GPC5: variants seen among roughly 807,000 people sequenced by gnomAD.
GPC5 encodes the protein glypican-5.
Under a neutral mutation model 53.9 loss-of-function variants are expected in GPC5, and 47 were observed. The observed-to-expected ratio is 0.87, with a 90% CI of 0.69 to 1.11. The LOEUF is 1.11. GPC5 is among the 50% of genes most tolerant of loss of function. GPC5 has a pLI of 0.00. For missense variants in GPC5, 748 were observed against 713.1 expected, an observed-to-expected ratio of 1.05 and a Z score of -0.56; for synonymous variants, 286 against 263.3, an observed-to-expected ratio of 1.09 and a Z score of -0.84.
chr13:91,577,596 A>G (rs2032185830), intron 2 of GPC5, among the ~76,000 whole-genome samples: 2 of 152,198 alleles, frequency 1.3e-5, no homozygotes, highest in Non-Finnish European at 2.9e-5. Context: ...AATGTGCCAG[A>G]ACATTCACAT....
At chr13:91,951,299 T>A (rs1008717918) in intron 6 of GPC5, among the ~76,000 whole-genome samples, 1 of 152,114 alleles carries the variant, frequency 6.6e-6, no homozygotes, top group Non-Finnish European at 1.5e-5. Context: ...TACATAAAAT[T>A]CGAGAATTAC....
intron 7 of GPC5, among the ~76,000 whole-genome samples, chr13:92,174,374 A>G (rs550279748): frequency 0.023 from 3,463 of 151,282 alleles, 48 homozygotes; most frequent in Admixed American, 0.029. Context: ...ACAAAAAAAA[A>G]AACAAAAAAA....
At chr13:91,419,533 A>C (rs1594063417) in intron 1 of GPC5, among the ~76,000 whole-genome samples, 1 of 152,154 alleles carries the variant, frequency 6.6e-6, no homozygotes, top group African/African-American at 2.4e-5. Flanking sequence ...GGAACAAGAA[A>C]ATTTTCATGG....
chr13:92,131,499 A>G (rs905442512), intron 6 of GPC5, among the ~76,000 whole-genome samples: 6 of 152,052 alleles, frequency 3.9e-5, no homozygotes, highest in African/African-American at 1.4e-4. Context: ...TTAAAATTAT[A>G]AAGTATGAAC....
chr13:92,706,650 A>T (rs903514069), intron 7 of GPC5, among the ~76,000 whole-genome samples: 1 of 152,110 alleles, frequency 6.6e-6, no homozygotes, highest in Non-Finnish European at 1.5e-5. Context: ...AATGTCCTCT[A>T]CTTCCAGGAT....
intron 2 of GPC5, among the ~76,000 whole-genome samples, chr13:91,623,013 T>A (rs1039966244): frequency 1.1e-4 from 16 of 151,964 alleles, no homozygotes; most frequent in Non-Finnish European, 5.9e-5. Context: ...TTATAATGGA[T>A]CAGAGGCCTC....
intron 7 of GPC5, among the ~76,000 whole-genome samples, chr13:92,538,443 TTTTCTTTCTTTC>T (rs1216580335): frequency 6.6e-6 from 1 of 151,322 alleles, no homozygotes; most frequent in East Asian, 2.0e-4. Context: ...CCCATTTCTT[TTTTCTTTCTTTC>T]TTTCTTTCTT....
chr13:92,484,290 T>C (rs1170778326), intron 7 of GPC5, among the ~76,000 whole-genome samples: 2 of 152,218 alleles, frequency 1.3e-5, no homozygotes, highest in Non-Finnish European at 2.9e-5. Flanking sequence ...ACTCTTGGAA[T>C]AACTTCTGAA....
intron 2 of GPC5, among the ~76,000 whole-genome samples, chr13:91,644,302 T>C (rs1056004539): frequency 6.6e-6 from 1 of 152,088 alleles, no homozygotes. Context: ...ACAGAGAATA[T>C]CCAACGTCGC....
chr13:91,730,064 T>G (rs895790542), intron 4 of GPC5, among the ~76,000 whole-genome samples: 1 of 152,214 alleles, frequency 6.6e-6, no homozygotes, highest in Non-Finnish European at 1.5e-5. Context: ...GTTTAGCCAT[T>G]GTCCATGAAT....
At chr13:91,693,925 AAAT>A in intron 3 of GPC5, 44 bp downstream of exon 3, 3 of 1,402,384 alleles carry the variant, frequency 2.1e-6, no homozygotes, top group Non-Finnish European at 2.9e-6. Flanking sequence ...CTTGTAATTC[AAAT>A]ATTAGCCATG....
At position 92,393,414 on chromosome 13, in the gene GPC5, A is replaced by C. The variant is rs1301192856; in HGVS notation, c.1561+248425A>C. Among the ~76,000 whole-genome samples, 3 of 152,202 alleles carry C rather than the reference A, an allele frequency of 2.0e-5. No individual in the cohort carries two copies. In the East Asian group the frequency reaches 5.8e-4, roughly 29 times the overall value. ...CCTGTAATTCCAGCACTTTGGGAGG[A>C]CAAGGTGGGCAGACCACCTGAGGAC... On this transcript the variant is annotated intron_variant, in intron 7 of 7. Coordinates refer to ENST00000377067, the MANE Select transcript of GPC5 (RefSeq NM_004466.6).
intron 6 of GPC5, among the ~76,000 whole-genome samples, chr13:92,113,936 G>A (rs1385900491): frequency 6.6e-6 from 1 of 152,144 alleles, no homozygotes; most frequent in Non-Finnish European, 1.5e-5. Context: ...TACTTCTAAG[G>A]AGTGCATAAA....
At chr13:92,431,877 A>G (rs1877101961) in intron 7 of GPC5, among the ~76,000 whole-genome samples, 1 of 152,174 alleles carries the variant, frequency 6.6e-6, no homozygotes, top group Non-Finnish European at 1.5e-5. Flanking sequence ...TGAAAAGTAA[A>G]TTTGTAAATA....
At chr13:92,303,647 A>G (rs1216543659) in intron 7 of GPC5, among the ~76,000 whole-genome samples, 1 of 152,216 alleles carries the variant, frequency 6.6e-6, no homozygotes. Context: ...CTGACCAAGC[A>G]GCATTGCCCA....
chr13:92,834,951 T>C (rs566124814), intron 7 of GPC5, among the ~76,000 whole-genome samples: 19 of 152,234 alleles, frequency 1.2e-4, no homozygotes, highest in African/African-American at 3.6e-4. Context: ...TTATTAGTCA[T>C]GACTAAAAGA....
At chr13:92,525,508 T>A (rs1285274216) in intron 7 of GPC5, among the ~76,000 whole-genome samples, 1 of 147,070 alleles carries the variant, frequency 6.8e-6, no homozygotes, top group Non-Finnish European at 1.5e-5. Context: ...TAGAAGATAC[T>A]TTGGGTGACA....
chr13:92,039,087 A>G (rs984604292), intron 6 of GPC5, among the ~76,000 whole-genome samples: 11 of 152,198 alleles, frequency 7.2e-5, no homozygotes, highest in Non-Finnish European at 1.0e-4. Flanking sequence ...GCAATTTAGG[A>G]AGTGTAGTGG....
At chr13:92,034,267 G>A (rs1035338046) in intron 6 of GPC5, among the ~76,000 whole-genome samples, 6 of 152,060 alleles carry the variant, frequency 3.9e-5, no homozygotes, top group South Asian at 2.1e-4. Flanking sequence ...AGGCTGAGGC[G>A]GGTGGATCAC....
Sources: allele counts gnomAD v4.1 joint callset (sites outside exome capture counted in the v4.1 genomes callset), GRCh38; gene constraint gnomAD v4.1.1; transcripts MANE v1.5; gene names NCBI Gene and HGNC (gene_info 2026-07-23, HGNC 2026-07-21).